The following THEMIS variants were observed in gnomAD, a reference collection of about 807,000 sequenced individuals.
The protein encoded by THEMIS is protein THEMIS.
Under a neutral mutation model 52.6 loss-of-function variants are expected in THEMIS, and 37 were observed. The ratio of observed to expected loss-of-function variants is 0.70; its 90% confidence interval spans 0.54 to 0.93. The LOEUF is 0.93. Ranked by LOEUF, THEMIS falls within the 40% of genes least tolerant of loss-of-function variation. THEMIS has a pLI of 0.00. For synonymous variants in THEMIS, 292 were observed against 272.7 expected (o/e 1.07, Z -0.70); for missense variants, 808 against 763.1 (o/e 1.06, Z -0.69).
At chr6:127,791,717 G>A (rs959250073) in intron 4 of THEMIS, among the ~76,000 whole-genome samples, 4 of 152,146 alleles carry the variant, frequency 2.6e-5, no homozygotes, top group Non-Finnish European at 5.9e-5. Flanking sequence ...CTGCAAGACT[G>A]CGCTGAGCCA....
intron 2 of THEMIS, among the ~76,000 whole-genome samples, chr6:127,830,934 G>T (rs1441532428): frequency 6.6e-6 from 1 of 152,132 alleles, no homozygotes; most frequent in African/African-American, 2.4e-5. Context: ...ATGAGATGCA[G>T]AATTTACCAA....
intron 4 of THEMIS, among the ~76,000 whole-genome samples, chr6:127,740,728 G>A (rs1015970851): frequency 6.6e-6 from 1 of 152,146 alleles, no homozygotes; most frequent in Non-Finnish European, 1.5e-5. Flanking sequence ...AATCTGTGAT[G>A]AACATAGCAT....
chr6:127,869,209 C>A (rs1156847111), intron 1 of THEMIS, among the ~76,000 whole-genome samples: 2 of 152,132 alleles, frequency 1.3e-5, no homozygotes, highest in Non-Finnish European at 2.9e-5. Context: ...TCCAAATAAA[C>A]CCATCATAAG....
intron 1 of THEMIS, among the ~76,000 whole-genome samples, chr6:127,869,726 T>C (rs369181332): frequency 6.6e-6 from 1 of 152,170 alleles, no homozygotes; most frequent in Non-Finnish European, 1.5e-5. Context: ...GAAATGCCAG[T>C]GGACACAGAC....
chr6:127,753,282 T>C (rs1476186436), intron 4 of THEMIS, among the ~76,000 whole-genome samples: 1 of 152,028 alleles, frequency 6.6e-6, no homozygotes, highest in African/African-American at 2.4e-5. Flanking sequence ...ATTAAAACAC[T>C]GTTAGAACTA....
intron 4 of THEMIS, among the ~76,000 whole-genome samples, chr6:127,754,015 G>A (rs1051288556): frequency 6.6e-6 from 1 of 151,904 alleles, no homozygotes; most frequent in South Asian, 2.1e-4. Context: ...TGGTTTTATG[G>A]GTTTATACTT....
the THEMIS span, among the ~76,000 whole-genome samples, chr6:127,697,770 CT>C: frequency 6.6e-6 from 1 of 152,100 alleles, no homozygotes; most frequent in Non-Finnish European, 1.5e-5. Flanking sequence ...TTCTTTAAGG[CT>C]TTTACTGCAT....
chr6:127,876,346 T>C (rs1363523043), intron 1 of THEMIS, among the ~76,000 whole-genome samples: 1 of 152,198 alleles, frequency 6.6e-6, no homozygotes. Flanking sequence ...AGGAGAATGA[T>C]AGGGCACTAA....
intron 5 of THEMIS, among the ~76,000 whole-genome samples, chr6:127,710,733 G>T (rs1773947114): frequency 6.6e-6 from 1 of 151,910 alleles, no homozygotes; most frequent in African/African-American, 2.4e-5. Flanking sequence ...GCTTTATGGA[G>T]CGCGATGGAT....
chr6:127,908,718 T>C (rs1293809090), intron 1 of THEMIS, among the ~76,000 whole-genome samples: 1 of 152,158 alleles, frequency 6.6e-6, no homozygotes, highest in Non-Finnish European at 1.5e-5. Flanking sequence ...AACATTTTCC[T>C]CTGACTTTTA....
intron 4 of THEMIS, among the ~76,000 whole-genome samples, chr6:127,787,314 C>T (rs1562257260): frequency 6.6e-6 from 1 of 152,010 alleles, no homozygotes; most frequent in Non-Finnish European, 1.5e-5. Flanking sequence ...GCACACATCA[C>T]CTTCTTCCTT....
At chr6:127,915,590 G>GAGAGAGAA (rs1562337838) in intron 1 of THEMIS, among the ~76,000 whole-genome samples, 1 of 32,644 alleles carries the variant, frequency 3.1e-5, no homozygotes, top group Non-Finnish European at 7.6e-5. Flanking sequence ...GAGAGAAAGA[G>GAGAGAGAA]AGAGAGAGAG....
At chr6:127,848,343 G>T (rs1202508183) in intron 2 of THEMIS, among the ~76,000 whole-genome samples, 7 of 151,950 alleles carry the variant, frequency 4.6e-5, no homozygotes, top group Admixed American at 6.6e-5. Context: ...ATTTGGGTTG[G>T]TTCCAACTCT....
intron 4 of THEMIS, among the ~76,000 whole-genome samples, chr6:127,726,807 C>T (rs570489184): frequency 1.7e-4 from 26 of 152,270 alleles, no homozygotes; most frequent in African/African-American, 6.0e-4. Context: ...TCTTCACATA[C>T]TTCCATCAAG....
At chr6:127,892,547 T>C (rs183646901) in intron 1 of THEMIS, among the ~76,000 whole-genome samples, 35 of 152,260 alleles carry the variant, frequency 2.3e-4, no homozygotes, top group Admixed American at 1.7e-3. Context: ...CCTTTGACAA[T>C]GCCTGATAAT....
intron 1 of THEMIS, among the ~76,000 whole-genome samples, chr6:127,868,847 T>A (rs1285559683): frequency 6.6e-6 from 1 of 152,192 alleles, no homozygotes; most frequent in Non-Finnish European, 1.5e-5. Context: ...CATTTGCTTA[T>A]GTGTTGACTT....
chr6:127,718,098 T>G (rs1374981470), intron 5 of THEMIS, among the ~76,000 whole-genome samples: 1 of 151,940 alleles, frequency 6.6e-6, no homozygotes, highest in Non-Finnish European at 1.5e-5. Context: ...AAATAAAGTT[T>G]GAAAAATTAT....
At chr6:127,914,383 G>C (rs564425200) in intron 1 of THEMIS, among the ~76,000 whole-genome samples, 1 of 152,232 alleles carries the variant, frequency 6.6e-6, no homozygotes, top group South Asian at 2.1e-4. Context: ...ATTTCATTAT[G>C]AAACATAGTC....
intron 4 of THEMIS, among the ~76,000 whole-genome samples, chr6:127,723,148 A>G (rs1198429021): frequency 1.3e-5 from 2 of 151,914 alleles, no homozygotes; most frequent in Non-Finnish European, 2.9e-5. Context: ...TGTGGACCTC[A>G]CTGGGATCTG....
Sources: allele counts gnomAD v4.1 joint callset (sites outside exome capture counted in the v4.1 genomes callset), GRCh38; gene constraint gnomAD v4.1.1; transcripts MANE v1.5; gene names NCBI Gene and HGNC (gene_info 2026-07-23, HGNC 2026-07-21).